DDX46: variants seen among roughly 807,000 people sequenced by gnomAD.
The protein encoded by DDX46 is probable ATP-dependent RNA helicase DDX46.
In DDX46, 30 loss-of-function variants were observed where a neutral mutation model predicts 134.9. The ratio of observed to expected loss-of-function variants is 0.22; its 90% CI spans 0.17 to 0.30. The LOEUF (loss-of-function observed/expected upper bound fraction) is 0.30, where lower values mean the gene tolerates loss of function less well. Among genes scored for constraint, DDX46 ranks in the 10% least tolerant of loss-of-function variants. The probability of loss-of-function intolerance (pLI) is 1.00; values close to 1 mark genes in which losing one functional copy is unlikely to be tolerated. For missense variants in DDX46, 622 were observed against 1,248.7 expected, an observed-to-expected ratio of 0.50 and a Z score of 7.56; for synonymous variants, 415 against 404.1, an observed-to-expected ratio of 1.03 and a Z score of -0.32.
At chr5:134,764,448 A>T (rs1456777955) in intron 2 of DDX46, among the ~76,000 whole-genome samples, 1 of 151,978 alleles carries the variant, frequency 6.6e-6, no homozygotes, top group Admixed American at 6.6e-5. Flanking sequence ...ACACCTGTCT[A>T]ATTTTTGTGT....
intron 9 of DDX46, 61 bp downstream of exon 9, chr5:134,783,126 AC>A (rs1754207027): frequency 6.4e-7 from 1 of 1,567,888 alleles, no homozygotes; most frequent in Admixed American, 1.8e-5. Flanking sequence ...GTCCTTCCAC[AC>A]CAGTGTCTCC....
chr5:134,764,162 A>G, intron 2 of DDX46, 70 bp downstream of exon 2: 1 of 1,473,758 alleles, frequency 6.8e-7, no homozygotes, highest in Non-Finnish European at 9.1e-7. Context: ...AGGCTTCTTG[A>G]AAAGTATGTT....
chr5:134,802,041 C>T (rs1754843138), intron 15 of DDX46, among the ~76,000 whole-genome samples: 2 of 151,866 alleles, frequency 1.3e-5, no homozygotes, highest in African/African-American at 2.4e-5. Context: ...GCCTTATTCT[C>T]TCTTTGGGAC....
chr5:134,773,911 T>C, intron 5 of DDX46, 50 bp downstream of exon 5: 1 of 1,452,504 alleles, frequency 6.9e-7, no homozygotes, highest in Non-Finnish European at 9.2e-7. Flanking sequence ...TAGAATATTA[T>C]ATGAATAATA....
chr5:134,776,216 T>TC (rs1753931338), intron 5 of DDX46, among the ~76,000 whole-genome samples: 2 of 151,234 alleles, frequency 1.3e-5, no homozygotes, highest in Admixed American at 6.6e-5. Flanking sequence ...ATGGTGAAAC[T>TC]CCGTCTCTAC....
intron 1 of DDX46, 129 bp from the exon 2 acceptor site, chr5:134,763,775 T>C: frequency 8.9e-7 from 1 of 1,127,932 alleles, no homozygotes; most frequent in Non-Finnish European, 1.2e-6. Flanking sequence ...CTCCTAATTT[T>C]AGAAAAATTC....
intron 7 of DDX46, 105 bp downstream of exon 7, chr5:134,781,351 T>G (rs1322507304): frequency 1.2e-6 from 1 of 853,132 alleles, no homozygotes; most frequent in East Asian, 2.8e-5. Flanking sequence ...TAGGAGAAAT[T>G]CCCAGAATTG....
At chr5:134,762,931 C>T (rs930014978) in intron 1 of DDX46, among the ~76,000 whole-genome samples, 5 of 150,822 alleles carry the variant, frequency 3.3e-5, no homozygotes, top group Admixed American at 1.3e-4. Context: ...TAATGGCGGA[C>T]GCCTATAGTC....
At position 134,828,964 on chromosome 5, in the gene DDX46, C is replaced by T. The variant is rs961562211; in HGVS notation, c.*258C>T. The T allele has an allele frequency of 2.1e-5, 6 of 288,136 alleles. No individual in the cohort carries two copies. In the Admixed American group the frequency reaches 3.1e-4, roughly 15 times the overall value. The allele number at this position is 288,136 out of a possible 1,614,324, so 17.8% of individuals were successfully genotyped here. A position where few individuals can be genotyped will look rare whatever the true frequency, so the allele number is the denominator to read the frequency against. On this transcript the variant is annotated 3_prime_UTR_variant, in exon 23 of 23. Coordinates refer to ENST00000452510, the MANE Select transcript of DDX46 (RefSeq NM_001300860.2). ...CTCAAATATCAATATTTTAAATGTC[C>T]GGATAATATTCTAGAGGTTTAAAAA...
At chr5:134,821,462 C>T (rs1309911859) in intron 21 of DDX46, among the ~76,000 whole-genome samples, 9 of 151,956 alleles carry the variant, frequency 5.9e-5, no homozygotes. Flanking sequence ...CAGGCATGAG[C>T]CACTGTGCCC....
At chr5:134,776,391 GAA>G (rs879312247) in intron 5 of DDX46, among the ~76,000 whole-genome samples, 4 of 135,944 alleles carry the variant, frequency 2.9e-5, no homozygotes, top group African/African-American at 8.1e-5. Flanking sequence ...AGACTGTCTA[GAA>G]AAAAAAAAAA....
chr5:134,763,808 A>G, intron 1 of DDX46, 96 bp from the exon 2 acceptor site: 3 of 1,394,480 alleles, frequency 2.2e-6, no homozygotes, highest in Non-Finnish European at 2.9e-6. Flanking sequence ...TTGAGTGTTA[A>G]ATTTGTCTGC....
chr5:134,830,669 A>G lies in DDX46; in HGVS notation c.*1963A>G, dbSNP rs1755714991. 6.6e-6 allele frequency: 1 copy of G among 152,670 alleles called. No individual in the cohort carries two copies. Among genetic ancestry groups the G allele is most frequent in the Non-Finnish European group, 1.5e-5 (1 of 68,046 alleles). 9.5% of individuals were successfully genotyped at this position (152,670 alleles called of 1,614,324 possible). On this transcript the variant is annotated 3_prime_UTR_variant, in exon 23 of 23. Transcript: ENST00000452510. ...GGAAATATTCTTGGATCCTTCACAC[A>G]TCCACTTAATTTCTTGAAGGAAGAA...
intron 15 of DDX46, 53 bp downstream of exon 15, chr5:134,796,203 A>T: frequency 3.8e-6 from 6 of 1,582,036 alleles, no homozygotes; most frequent in Non-Finnish European, 5.2e-6. Context: ...CTTGCCAAGC[A>T]TTGTGCTGTG....
At chr5:134,805,409 G>T (rs1389003281) in intron 15 of DDX46, among the ~76,000 whole-genome samples, 1 of 151,946 alleles carries the variant, frequency 6.6e-6, no homozygotes, top group African/African-American at 2.4e-5. Context: ...CTTGTAATCC[G>T]CCCGCCTCGG....
At chr5:134,773,638 TA>T (rs1489543717) in intron 4 of DDX46, 57 bp from the exon 5 acceptor site, 2 of 1,505,080 alleles carry the variant, frequency 1.3e-6, no homozygotes, top group Non-Finnish European at 1.8e-6. Flanking sequence ...GCAAAATTAT[TA>T]AATTTGGTTT....
rs6875160 is a variant in DDX46, at chr5:134,775,156, T to C, written c.613+1295T>C. 6.3e-3 allele frequency among the ~76,000 whole-genome samples: 964 copies of C among 152,096 alleles called. 10 individuals carry two copies. The highest frequency in any genetic ancestry group is 0.022 in the African/African-American group (911 of 41,494). The stretch of plus-strand genomic sequence containing the variant: ...TTTTTGAAGAGCCAGGGTCTCGATA[T>C]GTTACCCAGCTAGTCTTGAGCTCCT... On this transcript the variant is annotated intron_variant, in intron 5 of 22. Coordinates refer to ENST00000452510, the MANE Select transcript of DDX46 (RefSeq NM_001300860.2).
At chr5:134,761,269 CCCACCTTGGCCT>C (rs1292527575) in intron 1 of DDX46, among the ~76,000 whole-genome samples, 1 of 152,226 alleles carries the variant, frequency 6.6e-6, no homozygotes, top group Non-Finnish European at 1.5e-5. Flanking sequence ...AAGCTCTCTG[CCCACCTTGGCCT>C]GCCAAAATGC....
intron 5 of DDX46, 109 bp from the exon 6 acceptor site, chr5:134,777,465 G>T: frequency 8.2e-7 from 1 of 1,218,462 alleles, no homozygotes; most frequent in East Asian, 2.5e-5. Flanking sequence ...AATTGGAAAA[G>T]GGGTGTTTGG....
Sources: allele counts gnomAD v4.1 joint callset (sites outside exome capture counted in the v4.1 genomes callset), GRCh38; gene constraint gnomAD v4.1.1; transcripts MANE v1.5; gene names NCBI Gene and HGNC (gene_info 2026-07-23, HGNC 2026-07-21).